DMAC2L: variants seen among roughly 807,000 people sequenced by gnomAD.
DMAC2L encodes distal membrane arm assembly component 2 like.
DMAC2L carries 21 observed loss-of-function variants against 22.5 expected under a neutral mutation model. The observed-to-expected ratio is 0.93, with a 90% CI of 0.66 to 1.34. The LOEUF (loss-of-function observed/expected upper bound fraction) is 1.34. DMAC2L is among the 40% of genes most tolerant of loss of function. The probability of loss-of-function intolerance (pLI) is 0.00; values close to 1 mark genes in which losing one functional copy is unlikely to be tolerated. For missense variants in DMAC2L, 239 were observed against 246.5 expected (o/e 0.97, Z 0.20); for synonymous variants, 86 against 89.5 (o/e 0.96, Z 0.22).
chr14:50,321,103 G>A lies in DMAC2L; in HGVS notation c.-5-380G>A, dbSNP rs578044708. Among the ~76,000 whole-genome samples, 5 of 152,116 alleles carry A rather than the reference G, an allele frequency of 3.3e-5. No homozygotes were observed. In the East Asian group the frequency reaches 5.8e-4, roughly 18 times the overall value. ...CTTAACCTTGACACGTTGCTCTTTC[G>A]GTGATTTTAGTCTGTCATTTTGATG... is the stretch of plus-strand genomic sequence containing the variant. On this transcript the variant is annotated intron_variant, in intron 2 of 5. Coordinates refer to ENST00000557421, the MANE Select transcript of DMAC2L (RefSeq NM_001382507.1).
upstream of DMAC2L, chr14:50,312,152 C>A: frequency 6.2e-6 from 10 of 1,609,908 alleles, no homozygotes; most frequent in Non-Finnish European, 7.6e-6. Flanking sequence ...TGGCACCATC[C>A]CCTACGCACG....
At chr14:50,318,569 C>T (rs183663222) in intron 2 of DMAC2L, among the ~76,000 whole-genome samples, 4 of 152,228 alleles carry the variant, frequency 2.6e-5, no homozygotes. Context: ...CCGTTGAAGA[C>T]TATTAATAAA....
chr14:50,315,689 AG>A (rs1236634500), intron 2 of DMAC2L, among the ~76,000 whole-genome samples: 10 of 137,158 alleles, frequency 7.3e-5, no homozygotes, highest in Admixed American at 2.1e-4. Context: ...AAAAAAAAAA[AG>A]AGTAATAAAT....
At chr14:50,312,281 G>A (rs2031283841), upstream of DMAC2L, 23 of 1,386,916 alleles carry the variant, frequency 1.7e-5, no homozygotes, top group South Asian at 2.7e-4. Flanking sequence ...CCCCATGTGG[G>A]AGAGGCTGCG....
chr14:50,324,811 T>C (rs562569004), intron 5 of DMAC2L: 1 of 152,414 alleles, frequency 6.6e-6, no homozygotes, highest in Admixed American at 6.5e-5. Flanking sequence ...GTCTTGCTTT[T>C]GTTGCCCAGG....
In DMAC2L at chr14:50,312,367, C is replaced by T. The variant is rs995096383; in HGVS notation, c.-64C>T. The T allele has an allele frequency of 5.6e-6, 3 of 537,214 alleles. No homozygotes were observed. Among genetic ancestry groups the T allele is most frequent in the Non-Finnish European group, 6.6e-6 (2 of 303,492 alleles). 33.3% of individuals were successfully genotyped at this position (537,214 alleles called of 1,614,324 possible). Reference sequence around the variant, plus strand: ...CAGACGCGGGGACGCTGGCTCGCTCCCTCCCTCCCTCCCTCCGACGCTGTG... The same window carrying T: ...CAGACGCGGGGACGCTGGCTCGCTCTCTCCCTCCCTCCCTCCGACGCTGTG... On this transcript the variant is annotated 5_prime_UTR_variant, in exon 1 of 6. Transcript: ENST00000557421.
chr14:50,323,087 TTC>T, intron 4 of DMAC2L: 1 of 919,342 alleles, frequency 1.1e-6, no homozygotes, highest in Non-Finnish European at 1.3e-6. Context: ...TTTTCTTTCT[TTC>T]TTTTTTTTTT....
chr14:50,322,820 G>T, intron 4 of DMAC2L, 101 bp downstream of exon 4: 1 of 1,557,850 alleles, frequency 6.4e-7, no homozygotes, highest in Non-Finnish European at 8.7e-7. Context: ...TGTCCTTTTT[G>T]CCCATTTCAT....
At chr14:50,312,797 C>G (rs2031367779) in intron 1 of DMAC2L, 1 of 553,670 alleles carries the variant, frequency 1.8e-6, no homozygotes, top group Admixed American at 3.3e-5. Context: ...CTCACGGAGG[C>G]TCTTTGTCAC....
chr14:50,319,141 CA>C, intron 2 of DMAC2L: 1 of 1,518,478 alleles, frequency 6.6e-7, no homozygotes, highest in East Asian at 2.5e-5. Context: ...TGGGAAAGCC[CA>C]TATTTGTAAA....
intron 4 of DMAC2L, chr14:50,322,920 T>G: frequency 7.0e-7 from 1 of 1,433,242 alleles, no homozygotes; most frequent in Non-Finnish European, 9.1e-7. Flanking sequence ...CTCCTCTCAC[T>G]AAGCTTGTTT....
chr14:50,312,870 C>A, intron 1 of DMAC2L: 1 of 751,166 alleles, frequency 1.3e-6, no homozygotes, highest in Admixed American at 2.2e-5. Context: ...CGGTGCTATT[C>A]ATTCAGTCAT....
At position 50,327,877 on chromosome 14, in the gene DMAC2L, C is replaced by G. The variant is rs1379524189; in HGVS notation, c.*2154C>G. On this transcript the variant is annotated 3_prime_UTR_variant, in exon 6 of 6. Transcript: ENST00000557421. The stretch of plus-strand genomic sequence containing the variant: ...TGTGTTTAACAGCTTATACAAATAA[C>G]ACAGTATAAATGGTAATTGCCACTG... 2 of 152,046 alleles carry G rather than the reference C, an allele frequency of 1.3e-5. No homozygotes were observed. The highest frequency in any genetic ancestry group is 3.8e-4 in the East Asian group (2 of 5,200). 9.4% of individuals were successfully genotyped at this position (152,046 alleles called of 1,614,324 possible). A position where few individuals can be genotyped will look rare whatever the true frequency, so the allele number is the denominator to read the frequency against.
chr14:50,317,501 G>A (rs1461121068), intron 2 of DMAC2L, among the ~76,000 whole-genome samples: 3 of 152,164 alleles, frequency 2.0e-5, no homozygotes, highest in Non-Finnish European at 4.4e-5. Flanking sequence ...GGGTGCCGTG[G>A]CTTATGCCTG....
Position 50,315,401 on chromosome 14 carries a change from C to T in DMAC2L, c.-6+775C>T, listed in dbSNP as rs189276907. Among the ~76,000 whole-genome samples, 21 of 151,722 alleles carry T rather than the reference C, an allele frequency of 1.4e-4. No homozygotes were observed. In the East Asian group the frequency reaches 3.1e-3, roughly 23 times the overall value. Reference sequence around the variant, plus strand: ...ACTCCAGGCCAGGTGCAGTGGCTCACGCCTGTAATCCCAGCACTTTGGGAG... The same window carrying T: ...ACTCCAGGCCAGGTGCAGTGGCTCATGCCTGTAATCCCAGCACTTTGGGAG... On this transcript the variant is annotated intron_variant, in intron 2 of 5. Transcript: ENST00000557421.
Position 50,319,209 on chromosome 14 carries a change from C to T in DMAC2L, c.-5-2274C>T, listed in dbSNP as rs772180443. On this transcript the variant is annotated intron_variant, in intron 2 of 5. Transcript: ENST00000557421. Reference sequence around the variant, plus strand: ...TGGGCACAGGCAGAGAGCGCTTTAACAAAAAGTTGGAAAGGGTTGAGAACA... The same window carrying T: ...TGGGCACAGGCAGAGAGCGCTTTAATAAAAAGTTGGAAAGGGTTGAGAACA... 1.2e-5 allele frequency: 19 copies of T among 1,535,744 alleles called. No individual in the cohort carries two copies. The South Asian group carries it at 2.0e-4, about 16-fold the overall frequency.
At chr14:50,320,685 T>C (rs2032191996) in intron 2 of DMAC2L, among the ~76,000 whole-genome samples, 1 of 152,200 alleles carries the variant, frequency 6.6e-6, no homozygotes, top group African/African-American at 2.4e-5. Context: ...CTTAGCCCAC[T>C]CCATCCTGCA....
chr14:50,322,807 G>A, intron 4 of DMAC2L, 88 bp downstream of exon 4: 4 of 1,581,270 alleles, frequency 2.5e-6, no homozygotes, highest in South Asian at 1.1e-5. Flanking sequence ...ATAGTCATAG[G>A]TATGTCCTTT....
chr14:50,321,445 G>C (rs764588030), intron 2 of DMAC2L, 38 bp from the exon 3 acceptor site: 1 of 1,611,274 alleles, frequency 6.2e-7, no homozygotes, highest in Non-Finnish European at 8.5e-7. Flanking sequence ...ATGGGACTCG[G>C]ATGATGATCT....
Sources: gnomAD v4.1 joint callset for allele counts (sites outside exome capture counted in the v4.1 genomes callset) on GRCh38, gnomAD v4.1.1 for gene constraint, MANE v1.5 for transcripts, NCBI Gene and HGNC (gene_info 2026-07-23, HGNC 2026-07-21) for gene names.